KIF13A: variants seen among roughly 807,000 people sequenced by gnomAD.
KIF13A encodes kinesin family member 13A.
Under a neutral mutation model 212.2 loss-of-function variants are expected in KIF13A, and 79 were observed. The ratio of observed to expected loss-of-function variants is 0.37; its 90% CI spans 0.31 to 0.45. KIF13A has a LOEUF of 0.45. Among genes scored for constraint, KIF13A ranks in the 20% least tolerant of loss-of-function variants. KIF13A has a pLI of 1.00. For missense variants in KIF13A, 1,901 were observed against 2,209.0 expected, an observed-to-expected ratio of 0.86 and a Z score of 2.79; for synonymous variants, 789 against 808.6, an observed-to-expected ratio of 0.98 and a Z score of 0.41.
rs373012566 is a variant in KIF13A at position 17,825,487 on chromosome 6, T to G, written c.1786+281A>C. Among the ~76,000 whole-genome samples, 2 of 152,148 alleles carry G rather than the reference T, an allele frequency of 1.3e-5. No individual in the cohort carries two copies. Among genetic ancestry groups the G allele is most frequent in the Admixed American group, 6.5e-5 (1 of 15,274 alleles). On this transcript the variant is annotated intron_variant, in intron 16 of 38. Coordinates refer to ENST00000259711, the MANE Select transcript of KIF13A (RefSeq NM_022113.6). The surrounding 1 kb of genome is among the most constrained non-coding windows in gnomAD (Gnocchi z 4.5). Reference sequence around the variant, plus strand: ...AATTTGGTAAGGAATTTTGTCAAAATCATTCAGTACTCTAGGCCCGTGGAA... The same window carrying G: ...AATTTGGTAAGGAATTTTGTCAAAAGCATTCAGTACTCTAGGCCCGTGGAA...
chr6:17,983,287 G>A (rs910067726), intron 2 of KIF13A, among the ~76,000 whole-genome samples: 1 of 152,070 alleles, frequency 6.6e-6, no homozygotes, highest in African/African-American at 2.4e-5. Context: ...AAAAAGGCAT[G>A]AGAACTAAAT....
At chr6:17,782,293 A>G (rs1339216371) in intron 29 of KIF13A, among the ~76,000 whole-genome samples, 1 of 152,172 alleles carries the variant, frequency 6.6e-6, no homozygotes, top group Non-Finnish European at 1.5e-5. Flanking sequence ...GTCTCCTATA[A>G]GATGGAATGA....
intron 3 of KIF13A, among the ~76,000 whole-genome samples, chr6:17,875,734 C>T (rs368988469): frequency 3.2e-4 from 49 of 152,178 alleles, no homozygotes; most frequent in Non-Finnish European, 5.7e-4. Flanking sequence ...AGATTACAGG[C>T]GTGAGCCACC....
intron 2 of KIF13A, among the ~76,000 whole-genome samples, chr6:17,956,577 T>C (rs1409370854): frequency 1.3e-5 from 2 of 152,198 alleles, no homozygotes; most frequent in African/African-American, 4.8e-5. Flanking sequence ...GATAGACATA[T>C]ATTGGTTTTT....
At position 17,776,678 on chromosome 6, in the gene KIF13A, C is replaced by G. The variant is rs146750393; in HGVS notation, c.4170+599G>C. Among the ~76,000 whole-genome samples the G allele has an allele frequency of 6.6e-6, 1 of 152,304 alleles. No individual in the cohort carries two copies. The highest frequency in any genetic ancestry group is 1.5e-5 in the Non-Finnish European group (1 of 68,028). On this transcript the variant is annotated intron_variant, in intron 34 of 38. Transcript: ENST00000259711. The surrounding 1 kb of genome is among the most constrained non-coding windows in gnomAD (Gnocchi z 4.6). ...AGCCTGTGTTTTTCCTTGGAAAGAC[C>G]TTACTTCTACTCAGCTGCTTCTGGG... is the stretch of plus-strand genomic sequence containing the variant.
intron 19 of KIF13A, 22 bp from the exon 20 acceptor site, chr6:17,804,532 T>A (rs1381474276): frequency 1.9e-6 from 3 of 1,552,226 alleles, no homozygotes; most frequent in Non-Finnish European, 2.6e-6. Context: ...GAGGGGCCAG[T>A]GAGTGGACGA....
At position 17,764,483 on chromosome 6, in the gene KIF13A, G is replaced by A. The variant is rs567547421; in HGVS notation, c.5045C>T (p.Ser1682Phe). Residue 1682 changes from serine to phenylalanine, a missense_variant, in exon 39 of 39, where the codon TCC becomes TTC. Ser to Phe is a radical substitution (Grantham distance 155). Coordinates refer to ENST00000259711, the MANE Select transcript of KIF13A (RefSeq NM_022113.6). This position sits in a 1 kb window ranked among gnomAD's most constrained non-coding sequence, Gnocchi z 5.1. ...NSALAKGSPS[S>F]QSIPEKNSKS... ...GGAGTTTTTCTCAGGGATGCTCTGGGATGATGGGCTCCCTTTGGCTAAGGC... is the reference window on the plus strand; with the variant it reads ...GGAGTTTTTCTCAGGGATGCTCTGGAATGATGGGCTCCCTTTGGCTAAGGC... 6.2e-7 allele frequency: 1 copy of A among 1,614,012 alleles called. No individual in the cohort carries two copies. The highest frequency in any genetic ancestry group is 8.5e-7 in the Non-Finnish European group (1 of 1,179,902).
intron 2 of KIF13A, among the ~76,000 whole-genome samples, chr6:17,965,813 G>A (rs1779252165): frequency 6.6e-6 from 1 of 152,160 alleles, no homozygotes; most frequent in Non-Finnish European, 1.5e-5. Context: ...CAAATTATTT[G>A]CTTGTAAAAT....
In KIF13A at chr6:17,776,881, A is replaced by T. The variant is rs1760030307; in HGVS notation, c.4170+396T>A. ...CAAGAGTGCCTACATGCAGTGGCTG[A>T]CTCCTTATCACACTGATGGTGGCAG... On this transcript the variant is annotated intron_variant, in intron 34 of 38. Transcript: ENST00000259711. This position sits in a 1 kb window ranked among gnomAD's most constrained non-coding sequence, Gnocchi z 4.6. Among the ~76,000 whole-genome samples, 1 of 152,056 alleles carries T rather than the reference A, an allele frequency of 6.6e-6. No individual in the cohort carries two copies. The highest frequency in any genetic ancestry group is 2.4e-5 in the African/African-American group (1 of 41,380).
chr6:17,814,613 A>C (rs79067287), intron 17 of KIF13A, among the ~76,000 whole-genome samples: 5,770 of 152,194 alleles, frequency 0.038, 126 homozygotes, highest in African/African-American at 0.05. Context: ...TGCAGAGAAA[A>C]CTGGGTTCAA....
At chr6:17,949,157 A>C (rs1232760354) in intron 2 of KIF13A, among the ~76,000 whole-genome samples, 1 of 152,220 alleles carries the variant, frequency 6.6e-6, no homozygotes, top group Non-Finnish European at 1.5e-5. Context: ...ACAAATTTGC[A>C]TTAGTCTCCT....
chr6:17,902,071 G>A lies in KIF13A; in HGVS notation c.147-3891C>T, dbSNP rs115779103. Reference sequence around the variant, plus strand: ...TCTTAGTCAAGTACAGACTACTGTTGAGATACCTGTGTGGCTTCATTACAG... The same window carrying A: ...TCTTAGTCAAGTACAGACTACTGTTAAGATACCTGTGTGGCTTCATTACAG... On this transcript the variant is annotated intron_variant, in intron 2 of 38. Coordinates refer to ENST00000259711, the MANE Select transcript of KIF13A (RefSeq NM_022113.6). Among the ~76,000 whole-genome samples, 855 of 152,300 alleles carry A rather than the reference G, an allele frequency of 5.6e-3. 13 individuals are homozygous for A. Among genetic ancestry groups the A allele is most frequent in the African/African-American group, 0.019 (790 of 41,580 alleles).
intron 3 of KIF13A, among the ~76,000 whole-genome samples, chr6:17,893,003 G>A (rs890193023): frequency 2.0e-5 from 3 of 152,200 alleles, no homozygotes; most frequent in Non-Finnish European, 2.9e-5. Flanking sequence ...TGGGACTTGC[G>A]AATGGCATCT....
At chr6:17,985,527 G>A (rs1781468592) in intron 2 of KIF13A, among the ~76,000 whole-genome samples, 1 of 150,892 alleles carries the variant, frequency 6.6e-6, no homozygotes, top group Non-Finnish European at 1.5e-5. Context: ...AGGAAAACAA[G>A]TAACGGCTAC....
chr6:17,820,393 T>C (rs903774547), intron 16 of KIF13A, among the ~76,000 whole-genome samples: 1 of 152,166 alleles, frequency 6.6e-6, no homozygotes, highest in African/African-American at 2.4e-5. Context: ...TCCCTAACAT[T>C]AGTCTGCAAA....
chr6:17,944,088 G>A (rs958621227), intron 2 of KIF13A, among the ~76,000 whole-genome samples: 3 of 152,088 alleles, frequency 2.0e-5, no homozygotes, highest in African/African-American at 7.2e-5. Flanking sequence ...ATCTATACAG[G>A]GTAATCAATT....
At chr6:17,929,827 C>A (rs1271178778) in intron 2 of KIF13A, among the ~76,000 whole-genome samples, 1 of 152,214 alleles carries the variant, frequency 6.6e-6, no homozygotes, top group East Asian at 1.9e-4. Context: ...TAGGCGTGAG[C>A]CACCACACCT....
At chr6:17,791,984 A>ACC (rs1761608161) in intron 25 of KIF13A, among the ~76,000 whole-genome samples, 1 of 150,244 alleles carries the variant, frequency 6.7e-6, no homozygotes, top group Admixed American at 6.6e-5. Flanking sequence ...TGGGTGGATC[A>ACC]TGAGGTCAGG....
In KIF13A at chr6:17,794,395, C is replaced by T; in HGVS notation, c.3076G>A (p.Gly1026Ser). 6.2e-7 allele frequency: 1 copy of T among 1,611,118 alleles called. No homozygotes were observed. Among genetic ancestry groups the T allele is most frequent in the Non-Finnish European group, 8.5e-7 (1 of 1,177,986 alleles). ...GTGACTTGTACTCTACGGGAATGAC[C>T]CTGAAGAGGGTGGGGAGGAGTATGG... ...NTGGIFQLRQ[G>S]HSRRVQVTVK... Residue 1026 changes from glycine to serine, a missense_variant and splice_region_variant, in exon 25 of 39, where the codon GGT (glycine) becomes AGT (serine). By Grantham distance (56) the Gly-to-Ser change is moderately conservative (BLOSUM62 0). Coordinates refer to ENST00000259711, the MANE Select transcript of KIF13A (RefSeq NM_022113.6). The surrounding 1 kb of genome is among the most constrained non-coding windows in gnomAD (Gnocchi z 4.1).
Sources: allele counts gnomAD v4.1 joint callset (sites outside exome capture counted in the v4.1 genomes callset), GRCh38; gene constraint gnomAD v4.1.1; non-coding constraint Gnocchi (gnomAD v3.1); transcripts MANE v1.5; gene names NCBI Gene and HGNC (gene_info 2026-07-23, HGNC 2026-07-21).